Variants in GABRG3 observed in about 807,000 individuals in gnomAD.
GABRG3 encodes gamma-aminobutyric acid type A receptor subunit gamma3, also known as gamma-aminobutyric acid receptor subunit gamma-3.
GABRG3 carries 25 observed loss-of-function variants against 48.8 expected under a neutral mutation model. The observed-to-expected ratio is 0.51, with a 90% CI of 0.37 to 0.72. The LOEUF (loss-of-function observed/expected upper bound fraction) is 0.72. GABRG3 is among the 30% of genes least tolerant of loss of function. The pLI is 0.00. For missense variants in GABRG3, 394 were observed against 577.9 expected (o/e 0.68, Z 3.26); for synonymous variants, 227 against 217.6 (o/e 1.04, Z -0.38).
chr15:27,378,250 A>G (rs1231476214), intron 5 of GABRG3, among the ~76,000 whole-genome samples: 18 of 152,172 alleles, frequency 1.2e-4, no homozygotes, highest in Non-Finnish European at 2.6e-4. Context: ...ATAAAAGCTG[A>G]AATTTAAAAA....
At chr15:27,481,870 C>T (rs1890108196) in intron 6 of GABRG3, among the ~76,000 whole-genome samples, 1 of 152,136 alleles carries the variant, frequency 6.6e-6, no homozygotes, top group African/African-American at 2.4e-5. Context: ...TAAGAGGCAC[C>T]TACCTTAGTA....
intron 5 of GABRG3, chr15:27,341,111 G>A: frequency 3.2e-6 from 1 of 317,154 alleles, no homozygotes; most frequent in African/African-American, 2.2e-5. Flanking sequence ...TTATTATCTA[G>A]TTCCAGATTT....
chr15:26,983,885 G>T (rs1322072527), intron 2 of GABRG3, among the ~76,000 whole-genome samples: 1 of 152,114 alleles, frequency 6.6e-6, no homozygotes, highest in Non-Finnish European at 1.5e-5. Context: ...TGAATCACGT[G>T]CCGGGTACTT....
chr15:27,282,890 C>CA (rs1156807661), intron 3 of GABRG3, among the ~76,000 whole-genome samples: 2 of 152,162 alleles, frequency 1.3e-5, no homozygotes, highest in Non-Finnish European at 2.9e-5. Flanking sequence ...GACACCCCCC[C>CA]AGCCTCACTG....
intron 3 of GABRG3, among the ~76,000 whole-genome samples, chr15:27,133,573 CATGTTTTT>C (rs1182282103): frequency 1.3e-5 from 2 of 152,184 alleles, no homozygotes; most frequent in African/African-American, 2.4e-5. Flanking sequence ...CTCCTACTGA[CATGTTTTT>C]ATACTGACAA....
intron 5 of GABRG3, among the ~76,000 whole-genome samples, chr15:27,361,804 G>A (rs567200944): frequency 1.3e-5 from 2 of 152,320 alleles, no homozygotes; most frequent in East Asian, 1.9e-4. Flanking sequence ...AACAGAACAC[G>A]ACGTGTCAAT....
intron 6 of GABRG3, among the ~76,000 whole-genome samples, chr15:27,502,078 A>T (rs1890655234): frequency 6.6e-6 from 1 of 152,206 alleles, no homozygotes. Context: ...GTCAAGCTCA[A>T]GGTAGGAGAG....
At chr15:27,102,905 G>A (rs1897385911) in intron 3 of GABRG3, among the ~76,000 whole-genome samples, 1 of 152,080 alleles carries the variant, frequency 6.6e-6, no homozygotes, top group Non-Finnish European at 1.5e-5. Context: ...CTTAAATATT[G>A]AAAATTCCAG....
chr15:27,088,550 A>G (rs543116959), intron 3 of GABRG3, among the ~76,000 whole-genome samples: 3 of 152,210 alleles, frequency 2.0e-5, no homozygotes, highest in African/African-American at 7.2e-5. Context: ...CTTTTGAAGA[A>G]AAGAGGTTTC....
chr15:27,393,481 C>T (rs762393671), intron 5 of GABRG3, among the ~76,000 whole-genome samples: 21 of 152,042 alleles, frequency 1.4e-4, no homozygotes, highest in Non-Finnish European at 2.5e-4. Context: ...TTATAATGAC[C>T]ATATACATAT....
intron 5 of GABRG3, among the ~76,000 whole-genome samples, chr15:27,387,639 G>A (rs1272266709): frequency 6.6e-6 from 1 of 151,596 alleles, no homozygotes; most frequent in Non-Finnish European, 1.5e-5. Flanking sequence ...GCAAAGAGAT[G>A]GAAGCAGAGA....
chr15:27,415,685 A>G (rs1566830570), intron 5 of GABRG3, among the ~76,000 whole-genome samples: 2 of 152,170 alleles, frequency 1.3e-5, no homozygotes, highest in Admixed American at 6.5e-5. Flanking sequence ...TTCCTGGTCA[A>G]GCAATTCTAA....
chr15:27,428,843 G>T (rs1020576526), intron 5 of GABRG3, among the ~76,000 whole-genome samples: 1 of 152,062 alleles, frequency 6.6e-6, no homozygotes, highest in Admixed American at 6.6e-5. Context: ...AAAAAAATTA[G>T]GTCAATTTAA....
intron 5 of GABRG3, among the ~76,000 whole-genome samples, chr15:27,464,380 A>G (rs1889540306): frequency 6.6e-6 from 1 of 152,192 alleles, no homozygotes; most frequent in South Asian, 2.1e-4. Flanking sequence ...TACTTAACCC[A>G]TTCTTCCATT....
In GABRG3 at chr15:27,538,696, G is replaced by A. The variant is rs184896110; in HGVS notation, c.*5815G>A. 5.3e-5 allele frequency: 8 copies of A among 152,286 alleles called. No individual in the cohort carries two copies. The highest frequency in any genetic ancestry group is 1.9e-4 in the African/African-American group (8 of 41,544). The allele number at this position is 152,286 out of a possible 1,614,324, so 9.4% of individuals were successfully genotyped here. ...CCAATAATTAAATGCCCCAGACTGA[G>A]CAGGTAGCTGCTACATTTTCTCTTC... On this transcript the variant is annotated 3_prime_UTR_variant, in exon 10 of 10. Transcript: ENST00000615808.
chr15:27,081,577 G>C (rs559725272), intron 3 of GABRG3, among the ~76,000 whole-genome samples: 19 of 152,300 alleles, frequency 1.2e-4, no homozygotes, highest in African/African-American at 4.6e-4. Context: ...GGGTGCAGCA[G>C]AGGAGGCTGG....
intron 2 of GABRG3, among the ~76,000 whole-genome samples, chr15:27,015,476 C>T (rs1895762142): frequency 1.3e-5 from 2 of 151,406 alleles, no homozygotes; most frequent in Admixed American, 6.6e-5. Context: ...GCTCCGCCTC[C>T]CGGGTTCACG....
chr15:26,993,574 T>C (rs1895286122), intron 2 of GABRG3, among the ~76,000 whole-genome samples: 1 of 152,090 alleles, frequency 6.6e-6, no homozygotes, highest in African/African-American at 2.4e-5. Context: ...TGTTTGATAG[T>C]ATTTTAATTT....
chr15:27,232,021 T>C (rs956561540), intron 3 of GABRG3, among the ~76,000 whole-genome samples: 4 of 152,210 alleles, frequency 2.6e-5, no homozygotes, highest in African/African-American at 9.6e-5. Flanking sequence ...CAATAAATCA[T>C]ATCATACCAG....
Sources: allele counts gnomAD v4.1 joint callset (sites outside exome capture counted in the v4.1 genomes callset), GRCh38; gene constraint gnomAD v4.1.1; transcripts MANE v1.5; gene names NCBI Gene and HGNC (gene_info 2026-07-23, HGNC 2026-07-21).